SPECC1: variants seen among roughly 807,000 people sequenced by gnomAD.
The protein encoded by SPECC1 is cytospin-B.
A neutral mutation model predicts 104.1 loss-of-function variants in SPECC1; 62 were observed. That is an observed-to-expected ratio of 0.60 (90% CI 0.49 to 0.74). The LOEUF is 0.74. Among genes scored for constraint, SPECC1 ranks in the 30% least tolerant of loss-of-function variants. SPECC1 has a pLI of 0.00. For missense variants in SPECC1, 1,306 were observed against 1,310.5 expected, an observed-to-expected ratio of 1.00 and a Z score of 0.05; for synonymous variants, 513 against 501.6, an observed-to-expected ratio of 1.02 and a Z score of -0.30.
rs754838122 is a variant in SPECC1, at chr17:20,163,003, GGGCAACAAGAGCAAAA to G, written c.284-41329_284-41314del. Among the ~76,000 whole-genome samples, 174 of 152,260 alleles carry G rather than the reference GGGCAACAAGAGCAAAA, an allele frequency of 1.1e-3. 1 individual carries two copies. Among genetic ancestry groups the G allele is most frequent in the Non-Finnish European group, 1.7e-3 (116 of 68,014 alleles). On this transcript the variant is annotated intron_variant, in intron 3 of 14. Transcript: ENST00000395527. ...AGATTGCACCATTGCACTCCAGCTTGGGCAACAAGAGCAAAACTCCATCTCAAAAACAAAAAACAAA... is the reference window on the plus strand; with the variant it reads ...AGATTGCACCATTGCACTCCAGCTTGCTCCATCTCAAAAACAAAAAACAAA...
chr17:20,058,220 C>T (rs745449494), intron 1 of SPECC1, among the ~76,000 whole-genome samples: 30 of 152,100 alleles, frequency 2.0e-4, no homozygotes, highest in African/African-American at 5.1e-4. Context: ...AATATCCTTG[C>T]GAGCACCTTT....
At chr17:20,086,409 C>T (rs950282480) in intron 1 of SPECC1, among the ~76,000 whole-genome samples, 9 of 152,260 alleles carry the variant, frequency 5.9e-5, no homozygotes, top group Admixed American at 2.6e-4. Context: ...CTTCACATGC[C>T]GAGGCCACAG....
At chr17:20,286,874 C>T (rs908233364) in intron 12 of SPECC1, among the ~76,000 whole-genome samples, 3 of 152,206 alleles carry the variant, frequency 2.0e-5, no homozygotes, top group Admixed American at 6.5e-5. Flanking sequence ...ATGATCCCAT[C>T]GCTGCTGCCT....
intron 3 of SPECC1, among the ~76,000 whole-genome samples, chr17:20,137,404 A>G (rs1029230675): frequency 1.3e-5 from 2 of 152,240 alleles, no homozygotes; most frequent in African/African-American, 4.8e-5. Flanking sequence ...CCCATTACAG[A>G]GAATTGTGAC....
intron 3 of SPECC1, among the ~76,000 whole-genome samples, chr17:20,182,125 T>G (rs1462130310): frequency 6.7e-5 from 10 of 150,056 alleles, no homozygotes; most frequent in Admixed American, 6.6e-4. Context: ...TTTTCTTTTT[T>G]TTTTGGAGAC....
chr17:20,287,401 G>A (rs933193709), intron 12 of SPECC1, among the ~76,000 whole-genome samples: 6 of 140,312 alleles, frequency 4.3e-5, no homozygotes, highest in Admixed American at 1.5e-4. Flanking sequence ...TCCGGCCTGG[G>A]CGACAGAGCG....
intron 2 of SPECC1, among the ~76,000 whole-genome samples, chr17:20,099,716 A>C (rs1352408433): frequency 3.4e-5 from 5 of 149,154 alleles, no homozygotes; most frequent in Non-Finnish European, 5.9e-5. Flanking sequence ...AAAAAAAAAA[A>C]AAAACCCACA....
rs138745348 is a variant in SPECC1 at position 20,075,496 on chromosome 17, C to T, written c.-21-21135C>T. 2.0e-5 allele frequency among the ~76,000 whole-genome samples: 3 copies of T among 152,274 alleles called. No individual in the cohort carries two copies. The East Asian group carries it at 5.8e-4, about 29-fold the overall frequency. On this transcript the variant is annotated intron_variant, in intron 1 of 14. Coordinates refer to ENST00000395527, the MANE Select transcript of SPECC1 (RefSeq NM_001243439.2). The stretch of plus-strand genomic sequence containing the variant: ...AGTGACTTAATCCCACACTTTAAAG[C>T]AACTGTTAAAATTTCTGGATTTTTT...
chr17:20,177,987 G>T (rs1242705521), intron 3 of SPECC1, among the ~76,000 whole-genome samples: 1 of 151,554 alleles, frequency 6.6e-6, no homozygotes, highest in Non-Finnish European at 1.5e-5. Context: ...GGATTAACAG[G>T]CATGAGCCAC....
At chr17:20,171,853 A>G (rs1194992568) in intron 3 of SPECC1, among the ~76,000 whole-genome samples, 2 of 152,102 alleles carry the variant, frequency 1.3e-5, no homozygotes, top group Non-Finnish European at 2.9e-5. Flanking sequence ...AGCCCACACC[A>G]TGGTCATGTG....
At chr17:20,171,574 G>A (rs2034093822) in intron 3 of SPECC1, among the ~76,000 whole-genome samples, 1 of 151,556 alleles carries the variant, frequency 6.6e-6, no homozygotes, top group Non-Finnish European at 1.5e-5. Flanking sequence ...TTGAGACAGA[G>A]TCTTGCGTTG....
chr17:20,218,704 A>G (rs1213995593), intron 4 of SPECC1, among the ~76,000 whole-genome samples: 1 of 151,930 alleles, frequency 6.6e-6, no homozygotes, highest in Admixed American at 6.6e-5. Flanking sequence ...AGATATTTTG[A>G]CACAGGTATG....
At chr17:20,042,331 C>T (rs931925488) in intron 1 of SPECC1, among the ~76,000 whole-genome samples, 4 of 152,152 alleles carry the variant, frequency 2.6e-5, no homozygotes, top group African/African-American at 7.2e-5. Context: ...CTACTGCTTG[C>T]CACAGTGCTT....
At position 20,297,039 on chromosome 17, in the gene SPECC1, G is replaced by T; in HGVS notation, c.3019G>T (p.Ala1007Ser). The T allele has an allele frequency of 1.2e-6, 2 of 1,614,144 alleles. No homozygotes were observed. The highest frequency in any genetic ancestry group is 1.7e-6 in the Non-Finnish European group (2 of 1,180,014). ...FCALLHTYLPAHIPYQELNSQ... is the reference protein window; with the variant it reads ...FCALLHTYLPSHIPYQELNSQ... ...TGCTCTGCTCCACACCTACCTGCCTGCCCACATCCCCTACCAGGAGCTGAA... is the reference window on the plus strand; with the variant it reads ...TGCTCTGCTCCACACCTACCTGCCTTCCCACATCCCCTACCAGGAGCTGAA... The change falls in exon 13 of 15, where the codon GCC becomes TCC. Residue 1007 changes from alanine to serine, a missense_variant. Ala to Ser is a moderately conservative substitution (Grantham distance 99, BLOSUM62 1). Transcript: ENST00000395527.
At chr17:20,051,089 T>G (rs2045739117) in intron 1 of SPECC1, among the ~76,000 whole-genome samples, 1 of 91,166 alleles carries the variant, frequency 1.1e-5, no homozygotes, top group African/African-American at 4.7e-5. Flanking sequence ...TCTTTCTTTC[T>G]TTCTTTCTTT....
chr17:20,269,579 C>T (rs922608450), intron 12 of SPECC1, among the ~76,000 whole-genome samples: 13 of 152,352 alleles, frequency 8.5e-5, no homozygotes, highest in Admixed American at 6.5e-4. Flanking sequence ...TGTGCCACCA[C>T]ACCCAGCTGG....
chr17:20,282,491 C>T (rs559292238), intron 12 of SPECC1, among the ~76,000 whole-genome samples: 1 of 152,084 alleles, frequency 6.6e-6, no homozygotes, highest in Non-Finnish European at 1.5e-5. Context: ...AATGCAATTC[C>T]GATTAAAATC....
At chr17:20,200,714 AG>A (rs2036371019) in intron 3 of SPECC1, among the ~76,000 whole-genome samples, 2 of 152,296 alleles carry the variant, frequency 1.3e-5, no homozygotes, top group Admixed American at 1.3e-4. Flanking sequence ...ACCCACGAGG[AG>A]GTGTGTTTGG....
intron 13 of SPECC1, chr17:20,305,666 TA>T (rs1271942970): frequency 1.9e-5 from 4 of 211,846 alleles, no homozygotes; most frequent in Non-Finnish European, 3.8e-5. Flanking sequence ...TATACTATAA[TA>T]TATGCATTTA....
Sources: gnomAD v4.1 joint callset for allele counts (sites outside exome capture counted in the v4.1 genomes callset) on GRCh38, gnomAD v4.1.1 for gene constraint, MANE v1.5 for transcripts, NCBI Gene and HGNC (gene_info 2026-07-23, HGNC 2026-07-21) for gene names.